The following TAP1 variants were observed in gnomAD, a reference collection of about 807,000 sequenced individuals.
TAP1 encodes transporter 1, ATP binding cassette subfamily B member.
Under a neutral mutation model 79.3 loss-of-function variants are expected in TAP1, and 56 were observed. The ratio of observed to expected loss-of-function variants is 0.71; its 90% CI spans 0.57 to 0.88. The LOEUF is 0.88. TAP1 is among the 40% of genes least tolerant of loss of function. The pLI, the probability that TAP1 is intolerant of heterozygous loss-of-function variation, is 0.00. For synonymous variants in TAP1, 355 were observed against 401.4 expected (o/e 0.88, Z 1.38); for missense variants, 737 against 936.3 (o/e 0.79, Z 2.78).
At position 32,850,949 on chromosome 6, in the gene TAP1, A is replaced by G. The variant is rs1373729853; in HGVS notation, c.1045T>C (p.Tyr349His). 1.9e-6 allele frequency: 3 copies of G among 1,612,460 alleles called. No homozygotes were observed. In the African/African-American group the frequency reaches 4.0e-5, roughly 22 times the overall value. ...FLLPKKVGKW[Y>H]QLLEVQVRES... ...GGCCAACTCCATGAACATACCTGGT[A>G]CCATTTTCCCACCTTCTTGGGCAGA... Residue 349 changes from tyrosine (Y) to histidine (H), a missense_variant, in exon 4 of 11, where the codon TAC becomes CAC. Tyr to His is a moderately conservative substitution (Grantham distance 83). Around this residue, in one of 5 missense-constraint regions of TAP1, gnomAD observed 406 missense variants for 477.2 expected, o/e 0.85. Transcript: ENST00000354258. The surrounding 1 kb of genome is among the most constrained non-coding windows in gnomAD (Gnocchi z 5.5).
Position 32,851,353 on chromosome 6 carries a change from A to G in TAP1, c.845-204T>C, listed in dbSNP as rs1770768642. 6.6e-6 allele frequency among the ~76,000 whole-genome samples: 1 copy of G among 152,194 alleles called. No homozygotes were observed. Among genetic ancestry groups the G allele is most frequent in the Non-Finnish European group, 1.5e-5 (1 of 68,028 alleles). On this transcript the variant is annotated intron_variant, in intron 3 of 10. Coordinates refer to ENST00000354258, the MANE Select transcript of TAP1 (RefSeq NM_000593.6). The surrounding 1 kb of genome is among the most constrained non-coding windows in gnomAD (Gnocchi z 4.8). Reference sequence around the variant, plus strand: ...GTTAAAGAGGAAAGGCCTGACCTTCATTTTAATTATAAAGTCATTAATGCA... The same window carrying G: ...GTTAAAGAGGAAAGGCCTGACCTTCGTTTTAATTATAAAGTCATTAATGCA...
Position 32,852,066 on chromosome 6 carries a change from A to G in TAP1, c.844+43T>C, listed in dbSNP as rs1770817781. 6.2e-7 allele frequency: 1 copy of G among 1,612,582 alleles called. No individual in the cohort carries two copies. Among genetic ancestry groups the G allele is most frequent in the Non-Finnish European group, 8.5e-7 (1 of 1,179,934 alleles). On this transcript the variant is annotated intron_variant, in intron 3 of 10. Transcript: ENST00000354258. This position sits in a 1 kb window ranked among gnomAD's most constrained non-coding sequence, Gnocchi z 4.8. The stretch of plus-strand genomic sequence containing the variant: ...GAGATCAAAGCAGATGTATGAGGAT[A>G]TGAACAGTACATGGCGTATAATGAA...
chr6:32,846,545 C>T (rs571040399), intron 10 of TAP1: 160 of 216,134 alleles, frequency 7.4e-4, no homozygotes, highest in Middle Eastern at 1.9e-3. Flanking sequence ...TAGGACTGGG[C>T]GCAGTGGCTC....
chr6:32,848,214 C>G, intron 7 of TAP1, 122 bp from the exon 8 acceptor site: 2 of 1,290,906 alleles, frequency 1.5e-6, no homozygotes, highest in Non-Finnish European at 2.2e-6. Context: ...ATAGAAACTC[C>G]TACCCTCCCA....
rs1582621243 is a variant in TAP1 at position 32,845,626 on chromosome 6, C to T, written c.2200G>A (p.Gly734Arg). 2 of 1,613,068 alleles carry T rather than the reference C, an allele frequency of 1.2e-6. No homozygotes were observed. Among genetic ancestry groups the T allele is most frequent in the Admixed American group, 1.7e-5 (1 of 60,018 alleles). The change falls in exon 11 of 11, where the codon GGG (glycine) becomes AGG (arginine). Residue 734 changes from glycine (G) to arginine (R), a missense_variant. Gly to Arg is a moderately radical substitution (Grantham distance 125, BLOSUM62 -2). Coordinates refer to ENST00000354258, the MANE Select transcript of TAP1 (RefSeq NM_000593.6). The surrounding 1 kb of genome is among the most constrained non-coding windows in gnomAD (Gnocchi z 4.5). ...GCCTGCACCATGGCCCAGTAGCACCCCTTTTTCTCCATGAGCTGCTGGTGG... is the reference window on the plus strand; with the variant it reads ...GCCTGCACCATGGCCCAGTAGCACCTCTTTTTCTCCATGAGCTGCTGGTGG... ...GTHQQLMEKK[G>R]CYWAMVQAPA...
rs2228110 is a variant in TAP1, at chr6:32,849,112, C to T, written c.1255G>A (p.Gly419Ser). Residue 419 changes from glycine (G) to serine (S), a missense_variant, in exon 6 of 11, where the codon GGT becomes AGT. This residue lies in a region of TAP1 where 406 missense variants were observed against 477.2 expected (regional missense o/e 0.85). Coordinates refer to ENST00000354258, the MANE Select transcript of TAP1 (RefSeq NM_000593.6). ...AVNSWTTSISGMLLKVGILYI... is the reference protein window; with the variant it reads ...AVNSWTTSISSMLLKVGILYI... ...AGGATTCCCACTTTCAGCAGCATACCTGAAATCTATAAAGAGACCACAAAA... is the reference window on the plus strand; with the variant it reads ...AGGATTCCCACTTTCAGCAGCATACTTGAAATCTATAAAGAGACCACAAAA... The T allele has an allele frequency of 3.5e-5, 55 of 1,581,002 alleles. No homozygotes were observed. Among genetic ancestry groups the T allele is most frequent in the Non-Finnish European group, 4.6e-5 (54 of 1,163,498 alleles).
At position 32,853,453 on chromosome 6, in the gene TAP1, G is replaced by A; in HGVS notation, c.184C>T (p.Leu62=). 6.2e-7 allele frequency: 1 copy of A among 1,611,862 alleles called. No homozygotes were observed. Among genetic ancestry groups the A allele is most frequent in the Non-Finnish European group, 8.5e-7 (1 of 1,179,464 alleles). The change falls in exon 1 of 11, where the codon CTG becomes TTG. Residue 62 remains leucine (L), a synonymous_variant. Coordinates refer to ENST00000354258, the MANE Select transcript of TAP1 (RefSeq NM_000593.6). This position sits in a 1 kb window ranked among gnomAD's most constrained non-coding sequence, Gnocchi z 8.3. Reference sequence around the variant, plus strand: ...AGCCAGAGCACGGCCCAGCGGCTCAGGCCCACCGCCCAGACCCGGAGCAGT... The same window carrying A: ...AGCCAGAGCACGGCCCAGCGGCTCAAGCCCACCGCCCAGACCCGGAGCAGT... ...LPLLRVWAVG[L]SRWAVLWLGA...
In TAP1 at chr6:32,850,491, A is replaced by T. The variant is rs200615764; in HGVS notation, c.1077T>A (p.Ser359=). Residue 359 remains serine (S), a synonymous_variant, in exon 5 of 11, where the codon TCT becomes TCA. Transcript: ENST00000354258. The surrounding 1 kb of genome is among the most constrained non-coding windows in gnomAD (Gnocchi z 5.5). The part of the protein sequence containing the change: ...YQLLEVQVRE[S]LAKSSQVAIE... Reference sequence around the variant, plus strand: ...TGGCCACCTGGCTGGACTTTGCCAGAGATTCCCGCACCTGCACTTCCAGCA... The same window carrying T: ...TGGCCACCTGGCTGGACTTTGCCAGTGATTCCCGCACCTGCACTTCCAGCA... 3.7e-6 allele frequency: 6 copies of T among 1,613,496 alleles called. No homozygotes were observed. The highest frequency in any genetic ancestry group is 1.3e-5 in the African/African-American group (1 of 74,948).
chr6:32,853,153 C>T lies in TAP1; in HGVS notation c.484G>A (p.Val162Met), dbSNP rs147255912. The T allele has an allele frequency of 4.1e-4, 664 of 1,612,682 alleles. 1 individual carries two copies. The highest frequency in any genetic ancestry group is 4.1e-4 in the Non-Finnish European group (478 of 1,179,928). Residue 162 changes from valine to methionine, a missense_variant, in exon 1 of 11, where the codon GTG becomes ATG. Physicochemically the swap from Val to Met is conservative, Grantham distance 21. Transcript: ENST00000354258. The surrounding 1 kb of genome is among the most constrained non-coding windows in gnomAD (Gnocchi z 8.3). ...CCAGAGCCGCCCTGACCGCCGGGCA[C>T]CCAGAGGCTCCCGAGTTTGTGCCAC... ...ALWHKLGSLW[V>M]PGGQGGSGNP...
Position 32,852,511 on chromosome 6 carries a change from A to C in TAP1, c.599-9T>G. 1 of 1,613,100 alleles carries C rather than the reference A, an allele frequency of 6.2e-7. No individual in the cohort carries two copies. Among genetic ancestry groups the C allele is most frequent in the Non-Finnish European group, 8.5e-7 (1 of 1,180,024 alleles). ...TGGAATGGCCATCTCCCCTGGAGAA[A>C]GAGAAGAGAGGTCACGCACAAATAT... On this transcript the variant is annotated splice_polypyrimidine_tract_variant and intron_variant, in intron 1 of 10. Transcript: ENST00000354258. The surrounding 1 kb of genome is among the most constrained non-coding windows in gnomAD (Gnocchi z 4.8).
intron 10 of TAP1, chr6:32,846,209 C>T: frequency 4.4e-6 from 1 of 225,914 alleles, no homozygotes; most frequent in South Asian, 6.7e-5. Context: ...GCTTATTCAA[C>T]CTCTTTTAAC....
Position 32,852,077 on chromosome 6 carries a change from A to G in TAP1, c.844+32T>C, listed in dbSNP as rs72860338. On this transcript the variant is annotated intron_variant, in intron 3 of 10. Transcript: ENST00000354258. The surrounding 1 kb of genome is among the most constrained non-coding windows in gnomAD (Gnocchi z 4.8). ...AGATGTATGAGGATATGAACAGTAC[A>G]TGGCGTATAATGAAAGAGTTTCAGG... The G allele has an allele frequency of 0.029, 46,657 of 1,612,730 alleles. 786 individuals are homozygous for G. The highest frequency in any genetic ancestry group is 0.037 in the South Asian group (3,404 of 91,074).
In TAP1 at chr6:32,847,671, G is replaced by T. The variant is rs753868320; in HGVS notation, c.1745C>A (p.Ala582Asp). 1 of 1,613,742 alleles carries T rather than the reference G, an allele frequency of 6.2e-7. No homozygotes were observed. The highest frequency in any genetic ancestry group is 8.5e-7 in the Non-Finnish European group (1 of 1,180,002). The change falls in exon 9 of 11, where the codon GCT (alanine) becomes GAT (aspartate). Residue 582 changes from alanine (A) to aspartate (D), a missense_variant. Ala to Asp is a moderately radical substitution (Grantham distance 126). Around this residue, in one of 5 missense-constraint regions of TAP1, gnomAD observed 266 missense variants for 332.4 expected, o/e 0.80. Transcript: ENST00000354258. The surrounding 1 kb of genome is among the most constrained non-coding windows in gnomAD (Gnocchi z 4.7). ...YEHRYLHRQV[A>D]AVGQEPQVFG... ...TACCTGTGGCTCTTGTCCCACTGCA[G>T]CCACCTGAGATGAAATATGATGAAG...
rs1460186220 is a variant in TAP1 at position 32,853,446 on chromosome 6, C to T, written c.191G>A (p.Arg64His). ...LLRVWAVGLS[R>H]WAVLWLGACG... ...GGCCCCCAGCCAGAGCACGGCCCAG[C>T]GGCTCAGGCCCACCGCCCAGACCCG... The change falls in exon 1 of 11, where the codon CGC (arginine) becomes CAC (histidine). Residue 64 changes from arginine to histidine, a missense_variant. This residue lies in a region of TAP1 where 406 missense variants were observed against 477.2 expected (regional missense o/e 0.85). Transcript: ENST00000354258. This position sits in a 1 kb window ranked among gnomAD's most constrained non-coding sequence, Gnocchi z 8.3. The T allele has an allele frequency of 2.5e-6, 4 of 1,611,734 alleles. No homozygotes were observed. The highest frequency in any genetic ancestry group is 1.7e-5 in the Admixed American group (1 of 59,950).
rs1770881560 is a variant in TAP1, at chr6:32,852,919, G to A, written c.598+120C>T. On this transcript the variant is annotated intron_variant, in intron 1 of 10. Coordinates refer to ENST00000354258, the MANE Select transcript of TAP1 (RefSeq NM_000593.6). This position sits in a 1 kb window ranked among gnomAD's most constrained non-coding sequence, Gnocchi z 4.8. ...AAGTGGTGTTCCAAGACCCACGCTAGGAGTCCTTCTCCTGCTCCACATTTC... is the reference window on the plus strand; with the variant it reads ...AAGTGGTGTTCCAAGACCCACGCTAAGAGTCCTTCTCCTGCTCCACATTTC... The A allele has an allele frequency of 6.8e-7, 1 of 1,472,766 alleles. No homozygotes were observed. 91.2% of individuals were successfully genotyped at this position (1,472,766 alleles called of 1,614,324 possible). A position where few individuals can be genotyped will look rare whatever the true frequency, so the allele number is the denominator to read the frequency against.
Position 32,845,800 on chromosome 6 carries a change from C to A in TAP1, c.2041-15G>T. Reference sequence around the variant, plus strand: ...AGCTGCTCCACCTGAGGAAAGACATCGGACCGTCAGAGCCGGGGACTACCC... The same window carrying A: ...AGCTGCTCCACCTGAGGAAAGACATAGGACCGTCAGAGCCGGGGACTACCC... On this transcript the variant is annotated splice_polypyrimidine_tract_variant and intron_variant, in intron 10 of 10. Coordinates refer to ENST00000354258, the MANE Select transcript of TAP1 (RefSeq NM_000593.6). The surrounding 1 kb of genome is among the most constrained non-coding windows in gnomAD (Gnocchi z 4.5). The A allele has an allele frequency of 6.2e-7, 1 of 1,607,734 alleles. No homozygotes were observed. The highest frequency in any genetic ancestry group is 8.5e-7 in the Non-Finnish European group (1 of 1,179,050).
Position 32,853,249 on chromosome 6 carries a change from G to C in TAP1, c.388C>G (p.Leu130Val). ...GTAGGGTGACTTCCCCAGTGCAGTA[G>C]CCTGGTGCTATCCGCGGACCCGGGG... ...GAPGSADSTR[L>V]LHWGSHPTAF... is the part of the protein sequence containing the mutation. Residue 130 changes from leucine (L) to valine (V), a missense_variant, in exon 1 of 11, where the codon CTA becomes GTA. By Grantham distance (32) the Leu-to-Val change is conservative (BLOSUM62 1). Around this residue, in one of 5 missense-constraint regions of TAP1, gnomAD observed 406 missense variants for 477.2 expected, o/e 0.85. Coordinates refer to ENST00000354258, the MANE Select transcript of TAP1 (RefSeq NM_000593.6). This position sits in a 1 kb window ranked among gnomAD's most constrained non-coding sequence, Gnocchi z 8.3. 1 of 1,603,094 alleles carries C rather than the reference G, an allele frequency of 6.2e-7. No individual in the cohort carries two copies. The highest frequency in any genetic ancestry group is 8.5e-7 in the Non-Finnish European group (1 of 1,174,776).
intron 5 of TAP1, 89 bp from the exon 6 acceptor site, chr6:32,849,207 A>C: frequency 3.0e-4 from 453 of 1,495,940 alleles, no homozygotes; most frequent in Non-Finnish European, 3.8e-4. Flanking sequence ...AGGAAATATC[A>C]AGTCCCTGTC....
chr6:32,849,219 C>T, intron 5 of TAP1, 101 bp from the exon 6 acceptor site: 2 of 1,460,702 alleles, frequency 1.4e-6, no homozygotes, highest in Non-Finnish European at 1.9e-6. Flanking sequence ...GTCCCTGTCT[C>T]CTAAGTGACA....
Sources: allele counts gnomAD v4.1 joint callset (sites outside exome capture counted in the v4.1 genomes callset), GRCh38; gene constraint gnomAD v4.1.1; regional missense constraint gnomAD v4.1.1; non-coding constraint Gnocchi (gnomAD v3.1); transcripts MANE v1.5; gene names NCBI Gene and HGNC (gene_info 2026-07-23, HGNC 2026-07-21).